TMCO5A: variants seen among roughly 807,000 people sequenced by gnomAD.
The protein encoded by TMCO5A is transmembrane and coiled-coil domains 5A.
TMCO5A carries 34 observed loss-of-function variants against 42.3 expected under a neutral mutation model. That is an observed-to-expected ratio of 0.80 (90% CI 0.61 to 1.07). TMCO5A has a LOEUF of 1.07. TMCO5A is among the 50% of genes least tolerant of loss of function. TMCO5A has a pLI of 0.00. For synonymous variants in TMCO5A, 131 were observed against 115.6 expected (o/e 1.13, Z -0.86); for missense variants, 357 against 327.9 (o/e 1.09, Z -0.69).
downstream of TMCO5A, among the ~76,000 whole-genome samples, chr15:37,955,990 T>TGA (rs1890280111): frequency 6.6e-6 from 1 of 152,162 alleles, no homozygotes; most frequent in African/African-American, 2.4e-5. Flanking sequence ...TGCTCCTGAA[T>TGA]GACTACTGGG....
chr15:37,993,076 AT>A, the TMCO5A span, among the ~76,000 whole-genome samples: 5 of 152,114 alleles, frequency 3.3e-5, no homozygotes, highest in South Asian at 1.0e-3. Context: ...TTTTTAGTTT[AT>A]TTTTTTACAG....
chr15:38,039,552 A>G, the TMCO5A span, among the ~76,000 whole-genome samples: 1 of 151,892 alleles, frequency 6.6e-6, no homozygotes, highest in Admixed American at 6.5e-5. Flanking sequence ...ACAGAGTGGA[A>G]CTCTGTTTCT....
chr15:37,983,025 T>C, the TMCO5A span, among the ~76,000 whole-genome samples: 7 of 152,078 alleles, frequency 4.6e-5, no homozygotes, highest in Non-Finnish European at 1.0e-4. Flanking sequence ...CCTAGAACCA[T>C]TCAGCTCTCT....
At chr15:37,974,332 T>C in the TMCO5A span, among the ~76,000 whole-genome samples, 1 of 152,320 alleles carries the variant, frequency 6.6e-6, no homozygotes, top group South Asian at 2.1e-4. Context: ...ATAGGAATGG[T>C]ACCAGCTTTC....
chr15:37,999,464 A>T, the TMCO5A span, among the ~76,000 whole-genome samples: 1 of 152,170 alleles, frequency 6.6e-6, no homozygotes, highest in Non-Finnish European at 1.5e-5. Flanking sequence ...ATGAGATTAC[A>T]TTATCCACAA....
chr15:38,020,445 A>T, the TMCO5A span: 1 of 152,214 alleles, frequency 6.6e-6, no homozygotes, highest in African/African-American at 2.4e-5. Flanking sequence ...ATGTAACTGC[A>T]CATAGAAGCC....
chr15:37,991,905 C>T, the TMCO5A span, among the ~76,000 whole-genome samples: 1 of 152,020 alleles, frequency 6.6e-6, no homozygotes, highest in African/African-American at 2.4e-5. Context: ...ATAAAAAACC[C>T]TGGAAAACAA....
intron 10 of TMCO5A, chr15:37,944,073 G>A (rs1889848618): frequency 6.6e-6 from 1 of 152,090 alleles, no homozygotes; most frequent in African/African-American, 2.4e-5. Flanking sequence ...TAGAGTCCAG[G>A]TTGACAAACA....
chr15:37,938,523 G>A (rs1261860198), intron 6 of TMCO5A, among the ~76,000 whole-genome samples: 3 of 152,096 alleles, frequency 2.0e-5, no homozygotes, highest in Non-Finnish European at 4.4e-5. Flanking sequence ...AATTTGGTGT[G>A]TGAAGTTGGG....
At chr15:38,027,234 C>A in the TMCO5A span, among the ~76,000 whole-genome samples, 3 of 152,142 alleles carry the variant, frequency 2.0e-5, no homozygotes, top group Non-Finnish European at 2.9e-5. Flanking sequence ...CTATACCCTG[C>A]AAAACCACAG....
chr15:38,018,219 A>G, the TMCO5A span, among the ~76,000 whole-genome samples: 1 of 152,210 alleles, frequency 6.6e-6, no homozygotes, highest in Non-Finnish European at 1.5e-5. Flanking sequence ...ACTGGTAAAC[A>G]GTAATAGACA....
the TMCO5A span, among the ~76,000 whole-genome samples, chr15:37,973,621 C>T: frequency 6.6e-6 from 1 of 152,082 alleles, no homozygotes; most frequent in Non-Finnish European, 1.5e-5. Context: ...GATTTTGTAT[C>T]CTGAAACTTT....
At chr15:37,937,437 G>A in intron 5 of TMCO5A, 41 bp downstream of exon 5, 1 of 1,606,878 alleles carries the variant, frequency 6.2e-7, no homozygotes, top group African/African-American at 1.3e-5. Context: ...CCCCACAACA[G>A]CCCCATTCAT....
the TMCO5A span, among the ~76,000 whole-genome samples, chr15:37,989,739 C>T: frequency 9.6e-4 from 146 of 152,106 alleles, 1 homozygote; most frequent in African/African-American, 3.4e-3. Flanking sequence ...GTGGGAAGTC[C>T]AATATCAAGG....
the TMCO5A span, among the ~76,000 whole-genome samples, chr15:37,998,582 T>C: frequency 1.3e-5 from 2 of 152,332 alleles, no homozygotes; most frequent in South Asian, 4.1e-4. Flanking sequence ...GCCAGTATCA[T>C]ATAGTTTGGT....
At chr15:37,980,391 T>A in the TMCO5A span, among the ~76,000 whole-genome samples, 1 of 152,134 alleles carries the variant, frequency 6.6e-6, no homozygotes, top group African/African-American at 2.4e-5. Context: ...AAGCAGCTCA[T>A]GTCAGTCTAG....
At chr15:37,942,086 ATACCAAGCAT>A (rs1444719084) in intron 8 of TMCO5A, 95 bp from the exon 9 acceptor site, 1 of 1,049,238 alleles carries the variant, frequency 9.5e-7, no homozygotes, top group African/African-American at 1.6e-5. Context: ...GGCAGTGGGA[ATACCAAGCAT>A]TCATGGTATC....
chr15:37,978,922 C>T, the TMCO5A span, among the ~76,000 whole-genome samples: 1 of 151,804 alleles, frequency 6.6e-6, no homozygotes, highest in Non-Finnish European at 1.5e-5. Flanking sequence ...ATGGCAGGAG[C>T]AGGACCAAGG....
chr15:37,945,043 C>T (rs904419981), intron 10 of TMCO5A, among the ~76,000 whole-genome samples: 1 of 152,080 alleles, frequency 6.6e-6, no homozygotes, highest in Non-Finnish European at 1.5e-5. Context: ...ACCCCACTGA[C>T]AAGCTCCAGT....
Sources: gnomAD v4.1 joint callset for allele counts (sites outside exome capture counted in the v4.1 genomes callset) on GRCh38, gnomAD v4.1.1 for gene constraint, MANE v1.5 for transcripts, NCBI Gene and HGNC (gene_info 2026-07-23, HGNC 2026-07-21) for gene names.